Variants in RTL9 observed in about 807,000 individuals in gnomAD.
RTL9 encodes retrotransposon Gag-like protein 9.
A neutral mutation model predicts 44.7 loss-of-function variants in RTL9; 19 were observed. That is an observed-to-expected ratio of 0.42 (90% CI 0.30 to 0.62). The LOEUF (loss-of-function observed/expected upper bound fraction) is 0.62, where lower values mean the gene tolerates loss of function less well. Ranked by LOEUF, RTL9 falls within the 20% of genes least tolerant of loss-of-function variation. The pLI is 0.16. For missense variants in RTL9, 1,105 were observed against 1,080.6 expected (o/e 1.02, Z -0.32); for synonymous variants, 407 against 398.9 (o/e 1.02, Z -0.24).
At chrX:110,451,247 T>C in exon 1 of RTL9, 3 of 1,211,471 alleles carry the variant, frequency 2.5e-6, no homozygotes, top group African/African-American at 1.7e-5. Flanking sequence ...TAATGCAAGA[T>C]ATGAATCCTG....
intron 1 of RTL9, chrX:110,440,264 G>A (rs2068870401): frequency 1.8e-5 from 2 of 111,884 alleles, no homozygotes; most frequent in Non-Finnish European, 3.8e-5. Flanking sequence ...CCCGAAAACG[G>A]GTCCAGGGTA....
intron 1 of RTL9, among the ~76,000 whole-genome samples, chrX:110,374,804 T>G (rs2068364649): frequency 9.3e-6 from 1 of 107,846 alleles, no homozygotes. Flanking sequence ...GAGCTTGGGG[T>G]GGATATGTGG....
At chrX:110,405,492 A>C (rs1261747689) in intron 1 of RTL9, among the ~76,000 whole-genome samples, 3 of 111,843 alleles carry the variant, frequency 2.7e-5, no homozygotes, top group African/African-American at 9.8e-5. Context: ...AGTGCTCCAG[A>C]AGGGAGGGAA....
intron 1 of RTL9, among the ~76,000 whole-genome samples, chrX:110,419,612 GCA>G (rs1602991754): frequency 8.9e-6 from 1 of 112,249 alleles, no homozygotes; most frequent in Non-Finnish European, 1.9e-5. Context: ...GTGGTGCTTG[GCA>G]CATAGTAGGC....
At chrX:110,431,323 C>CTG (rs759432836) in intron 1 of RTL9, among the ~76,000 whole-genome samples, 20,505 of 94,650 alleles carry the variant, frequency 0.22, 1,885 homozygotes, top group Non-Finnish European at 0.25. Context: ...GAGGGGAAGG[C>CTG]TGTGTGTGTG....
intron 1 of RTL9, among the ~76,000 whole-genome samples, chrX:110,439,708 A>G (rs1050734195): frequency 3.6e-5 from 4 of 111,069 alleles, no homozygotes; most frequent in Non-Finnish European, 7.5e-5. Flanking sequence ...ACGAACAGGC[A>G]TTTTCATTTT....
intron 1 of RTL9, among the ~76,000 whole-genome samples, chrX:110,386,479 A>C (rs769435952): frequency 9.0e-6 from 1 of 110,887 alleles, no homozygotes; most frequent in South Asian, 3.7e-4. Flanking sequence ...GACCATTCTT[A>C]TGTCTACTTT....
At chrX:110,403,514 G>A (rs1004946562) in intron 1 of RTL9, among the ~76,000 whole-genome samples, 3 of 110,661 alleles carry the variant, frequency 2.7e-5, no homozygotes, top group African/African-American at 9.9e-5. Context: ...CTCCAAACAC[G>A]TCCATGATAC....
chrX:110,366,725 CTT>C (rs1264722401), intron 1 of RTL9, among the ~76,000 whole-genome samples: 3 of 111,578 alleles, frequency 2.7e-5, no homozygotes, highest in African/African-American at 9.8e-5. Context: ...ATCCTACTCT[CTT>C]TATTCCCAAC....
intron 1 of RTL9, among the ~76,000 whole-genome samples, chrX:110,442,241 CTCTCTCTG>C (rs2068885556): frequency 9.5e-6 from 1 of 104,826 alleles, no homozygotes; most frequent in Non-Finnish European, 1.9e-5. Flanking sequence ...CTCTCTCTCT[CTCTCTCTG>C]TGTGTGTGTG....
At chrX:110,372,800 T>C (rs936268485) in intron 1 of RTL9, among the ~76,000 whole-genome samples, 7 of 111,433 alleles carry the variant, frequency 6.3e-5, no homozygotes, top group African/African-American at 2.3e-4. Context: ...GTCACAGCAA[T>C]GAGCATAAAT....
chrX:110,375,495 G>A (rs1432609352), intron 1 of RTL9, among the ~76,000 whole-genome samples: 1 of 111,202 alleles, frequency 9.0e-6, no homozygotes, highest in Non-Finnish European at 1.9e-5. Flanking sequence ...ACTGGTACAG[G>A]GCCTAGAACG....
chrX:110,439,221 G>C (rs2068861801), intron 1 of RTL9, among the ~76,000 whole-genome samples: 1 of 111,988 alleles, frequency 8.9e-6, no homozygotes, highest in African/African-American at 3.2e-5. Context: ...CAGAGACAAT[G>C]TCCTCTCTCA....
chrX:110,444,540 T>C (rs1266270669), intron 1 of RTL9, among the ~76,000 whole-genome samples: 1 of 112,730 alleles, frequency 8.9e-6, no homozygotes, highest in African/African-American at 3.2e-5. Flanking sequence ...TATTATTCTT[T>C]ATTCTGAGGT....
intron 2 of RTL9, among the ~76,000 whole-genome samples, chrX:110,445,505 G>A (rs1181644897): frequency 9.0e-6 from 1 of 111,196 alleles, no homozygotes; most frequent in African/African-American, 3.3e-5. Flanking sequence ...GAAGGAAGTG[G>A]GGAGGGCTTC....
At chrX:110,403,148 T>A (rs1215422593) in intron 1 of RTL9, among the ~76,000 whole-genome samples, 1 of 111,393 alleles carries the variant, frequency 9.0e-6, no homozygotes, top group East Asian at 2.8e-4. Flanking sequence ...CCTGCCCCTG[T>A]TCTTCACAGA....
At chrX:110,426,278 T>C (rs148377778) in intron 1 of RTL9, among the ~76,000 whole-genome samples, 3,217 of 112,047 alleles carry the variant, frequency 0.029, 111 homozygotes, top group African/African-American at 0.099. Flanking sequence ...AGCTAACTCT[T>C]CTTCCATCTA....
At chrX:110,452,956 G>T in exon 1 of RTL9, 1 of 1,211,073 alleles carries the variant, frequency 8.3e-7, no homozygotes, top group Non-Finnish European at 1.1e-6. Context: ...CCTGGAGAGA[G>T]GCCCTCACTG....
intron 1 of RTL9, among the ~76,000 whole-genome samples, chrX:110,360,959 C>G (rs934398461): frequency 4.5e-5 from 5 of 111,567 alleles, no homozygotes; most frequent in Non-Finnish European, 9.4e-5. Flanking sequence ...TAGTGATGCT[C>G]CGATCTTCGT....
Sources: gnomAD v4.1 joint callset for allele counts (sites outside exome capture counted in the v4.1 genomes callset) on GRCh38, gnomAD v4.1.1 for gene constraint, MANE v1.5 for transcripts, NCBI Gene and HGNC (gene_info 2026-07-23, HGNC 2026-07-21) for gene names.